Variants in AKT3 observed in about 807,000 individuals in gnomAD.
The protein encoded by AKT3 is RAC-gamma serine/threonine-protein kinase.
AKT3 carries 15 observed loss-of-function variants against 65.3 expected under a neutral mutation model. The ratio of observed to expected loss-of-function variants is 0.23; its 90% confidence interval spans 0.15 to 0.35. The LOEUF (loss-of-function observed/expected upper bound fraction) is 0.35. Ranked by LOEUF, AKT3 falls within the 10% of genes least tolerant of loss-of-function variation. The probability of loss-of-function intolerance (pLI) is 1.00; values close to 1 mark genes in which losing one functional copy is unlikely to be tolerated. For missense variants in AKT3, 243 were observed against 576.5 expected, an observed-to-expected ratio of 0.42 and a Z score of 5.92; for synonymous variants, 206 against 183.8, an observed-to-expected ratio of 1.12 and a Z score of -0.98.
chr1:243,703,586 C>A (rs1221934833), intron 2 of AKT3, among the ~76,000 whole-genome samples: 1 of 151,896 alleles, frequency 6.6e-6, no homozygotes, highest in Non-Finnish European at 1.5e-5. Flanking sequence ...CATGGCAAGA[C>A]CGTCTCTACT....
chr1:243,605,669 T>C (rs548872004), intron 8 of AKT3, among the ~76,000 whole-genome samples: 50 of 152,322 alleles, frequency 3.3e-4, no homozygotes, highest in Middle Eastern at 6.8e-3. Context: ...CGTAAGAAGT[T>C]AGGGCTGATT....
At chr1:243,813,449 G>A (rs1693311034) in intron 2 of AKT3, among the ~76,000 whole-genome samples, 1 of 150,704 alleles carries the variant, frequency 6.6e-6, no homozygotes, top group African/African-American at 2.4e-5. Context: ...GCTTACTTGT[G>A]TAACCAAATA....
intron 8 of AKT3, among the ~76,000 whole-genome samples, chr1:243,600,963 C>A (rs979816684): frequency 1.3e-5 from 2 of 151,858 alleles, no homozygotes; most frequent in African/African-American, 4.8e-5. Context: ...AAGAGACATG[C>A]GAGGCTCTGT....
chr1:243,768,978 C>T (rs1240326740), intron 2 of AKT3, among the ~76,000 whole-genome samples: 1 of 150,506 alleles, frequency 6.6e-6, no homozygotes, highest in Non-Finnish European at 1.5e-5. Context: ...AAATATAAAT[C>T]CAGAACTCAT....
chr1:243,651,991 C>A (rs1681374718), intron 4 of AKT3, among the ~76,000 whole-genome samples: 1 of 151,944 alleles, frequency 6.6e-6, no homozygotes, highest in South Asian at 2.1e-4. Context: ...CTGCAGAAAC[C>A]CTACAAGCCA....
At chr1:243,745,341 A>G (rs1367183552) in intron 2 of AKT3, among the ~76,000 whole-genome samples, 1 of 152,206 alleles carries the variant, frequency 6.6e-6, no homozygotes, top group Non-Finnish European at 1.5e-5. Context: ...TCCTGTCTCA[A>G]AAATAAAATA....
At position 243,488,600 on chromosome 1, in the gene AKT3, C is replaced by T. The variant is rs1349164583; in HGVS notation, c.*7-150G>A. 9.1e-5 allele frequency: 23 copies of T among 252,456 alleles called. No individual in the cohort carries two copies. In the South Asian group the frequency reaches 1.1e-3, roughly 12 times the overall value. The allele number at this position is 252,456 out of a possible 1,614,324, so 15.6% of individuals were successfully genotyped here. A position where few individuals can be genotyped will look rare whatever the true frequency, so the allele number is the denominator to read the frequency against. ...ACTGAGTGATTAATAATGGAAAACC[C>T]TTACTTCAGTGTTTCCACGGCCCTC... On this transcript the variant is annotated intron_variant, in intron 13 of 13. Coordinates refer to the AKT3 transcript ENST00000336199.
At chr1:243,508,535 C>G (rs960707546) in intron 13 of AKT3, among the ~76,000 whole-genome samples, 2 of 152,182 alleles carry the variant, frequency 1.3e-5, no homozygotes, top group Non-Finnish European at 2.9e-5. Flanking sequence ...CTCCCCACCC[C>G]TCAATTGCGG....
intron 13 of AKT3, among the ~76,000 whole-genome samples, chr1:243,509,430 A>G (rs1185933574): frequency 6.6e-6 from 1 of 152,178 alleles, no homozygotes; most frequent in Non-Finnish European, 1.5e-5. Flanking sequence ...ATGAATTTCG[A>G]AGAGATTCTG....
chr1:243,550,850 T>G lies in AKT3; in HGVS notation c.1163+1879A>C, dbSNP rs1673011250. ...GGCAGGCGCCTGTAGTCCCAGCTAC[T>G]CAGGAGGCTGAGGCAGGGGAATTGC... is the stretch of plus-strand genomic sequence containing the variant. On this transcript the variant is annotated intron_variant, in intron 11 of 13. Transcript: ENST00000673466. Among the ~76,000 whole-genome samples, 5 of 123,484 alleles carry G rather than the reference T, an allele frequency of 4.0e-5. No individual in the cohort carries two copies. The South Asian group carries it at 1.5e-3, about 36-fold the overall frequency. The allele number at this position is 123,484 out of a possible 152,430, so 81.0% of individuals were successfully genotyped here.
In AKT3 at chr1:243,646,006, C is replaced by T. The variant is rs1255579371; in HGVS notation, c.316G>A (p.Ala106Thr). Residue 106 changes from alanine (A) to threonine (T), a missense_variant, in exon 5 of 14, where the codon GCA becomes ACA. Coordinates refer to ENST00000673466, the MANE Select transcript of AKT3 (RefSeq NM_005465.7). ...TCTTCTTGCCTCTGCAGTCTGTCTG[C>T]TACAGCCTGGATAGCTTCTGTCCAT... The part of the protein sequence containing the change: ...EEWTEAIQAV[A>T]DRLQRQEEER... 2 of 1,612,070 alleles carry T rather than the reference C, an allele frequency of 1.2e-6. No homozygotes were observed. Among genetic ancestry groups the T allele is most frequent in the Non-Finnish European group, 1.7e-6 (2 of 1,179,132 alleles).
chr1:243,841,520 C>T (rs1344771193), intron 2 of AKT3, among the ~76,000 whole-genome samples: 1 of 152,114 alleles, frequency 6.6e-6, no homozygotes, highest in Non-Finnish European at 1.5e-5. Flanking sequence ...AAAATGCTTT[C>T]GTAATTTATA....
chr1:243,678,773 T>G (rs977503931), intron 3 of AKT3, among the ~76,000 whole-genome samples: 2 of 152,244 alleles, frequency 1.3e-5, no homozygotes, highest in Non-Finnish European at 2.9e-5. Flanking sequence ...TATCACATAC[T>G]GTTTTTAGGA....
At chr1:243,520,688 A>T (rs1233103935) in intron 12 of AKT3, among the ~76,000 whole-genome samples, 2 of 152,250 alleles carry the variant, frequency 1.3e-5, no homozygotes, top group Admixed American at 1.3e-4. Context: ...TTTATTTGAA[A>T]ACCAATTTGC....
intron 3 of AKT3, among the ~76,000 whole-genome samples, chr1:243,683,059 A>C (rs1340528368): frequency 6.6e-6 from 1 of 152,216 alleles, no homozygotes; most frequent in Non-Finnish European, 1.5e-5. Flanking sequence ...CTGTGGAATA[A>C]GAAAATGAAC....
chr1:243,614,814 T>C (rs1007409024), intron 7 of AKT3, among the ~76,000 whole-genome samples: 2 of 152,110 alleles, frequency 1.3e-5, no homozygotes, highest in Admixed American at 6.5e-5. Flanking sequence ...CCAGAGGTAA[T>C]GTATTAACTC....
At chr1:243,731,434 T>C (rs1558761821) in intron 2 of AKT3, among the ~76,000 whole-genome samples, 1 of 152,174 alleles carries the variant, frequency 6.6e-6, no homozygotes, top group Admixed American at 6.5e-5. Context: ...TACTGGATGG[T>C]CTCAGTACAG....
At chr1:243,594,351 T>C (rs999877648) in intron 8 of AKT3, among the ~76,000 whole-genome samples, 1 of 152,220 alleles carries the variant, frequency 6.6e-6, no homozygotes, top group Non-Finnish European at 1.5e-5. Flanking sequence ...TAATCAAAGT[T>C]ACAGCAGACT....
chr1:243,668,617 GA>G (rs1176926130), intron 3 of AKT3, among the ~76,000 whole-genome samples: 2 of 152,114 alleles, frequency 1.3e-5, no homozygotes, highest in Non-Finnish European at 2.9e-5. Flanking sequence ...ATTTAATAAT[GA>G]AGAATTTAAA....
Sources: gnomAD v4.1 joint callset for allele counts (sites outside exome capture counted in the v4.1 genomes callset) on GRCh38, gnomAD v4.1.1 for gene constraint, MANE v1.5 for transcripts, NCBI Gene and HGNC (gene_info 2026-07-23, HGNC 2026-07-21) for gene names.